THSD7A: variants seen among roughly 807,000 people sequenced by gnomAD.
THSD7A encodes thrombospondin type 1 domain containing 7A, also known as thrombospondin type-1 domain-containing protein 7A.
A neutral mutation model predicts 231.3 loss-of-function variants in THSD7A; 96 were observed. That is an observed-to-expected ratio of 0.41 (90% CI 0.35 to 0.49). The LOEUF is 0.49. Ranked by LOEUF, THSD7A falls within the 20% of genes least tolerant of loss-of-function variation. The pLI, the probability that THSD7A is intolerant of heterozygous loss-of-function variation, is 0.05. For synonymous variants in THSD7A, 940 were observed against 743.3 expected (o/e 1.26, Z -4.30); for missense variants, 2,290 against 2,070.2 (o/e 1.11, Z -2.06).
chr7:11,668,445 AAGAG>A (rs540679033), intron 1 of THSD7A, among the ~76,000 whole-genome samples: 109 of 145,208 alleles, frequency 7.5e-4, no homozygotes, highest in African/African-American at 2.4e-3. Context: ...AAAAGAAAGA[AAGAG>A]AGAGAGAGAG....
chr7:11,538,754 T>C (rs960438451), intron 6 of THSD7A, among the ~76,000 whole-genome samples: 3 of 152,218 alleles, frequency 2.0e-5, no homozygotes, highest in Non-Finnish European at 2.9e-5. Flanking sequence ...CTTACATCCC[T>C]CTGTTTTCTT....
chr7:11,576,574 G>A (rs1247059915), intron 4 of THSD7A, among the ~76,000 whole-genome samples: 1 of 152,130 alleles, frequency 6.6e-6, no homozygotes, highest in Admixed American at 6.5e-5. Context: ...TTCATACCAG[G>A]TGACTTGATA....
chr7:11,429,470 AAC>A (rs1426727064), intron 13 of THSD7A, among the ~76,000 whole-genome samples: 3 of 152,208 alleles, frequency 2.0e-5, no homozygotes, highest in Admixed American at 2.0e-4. Flanking sequence ...AAAAAATTAT[AAC>A]AGTTTTCTAT....
intron 11 of THSD7A, among the ~76,000 whole-genome samples, chr7:11,452,509 T>C (rs1349494850): frequency 6.6e-6 from 1 of 151,954 alleles, no homozygotes; most frequent in Non-Finnish European, 1.5e-5. Context: ...TTACCAATGA[T>C]CCCCAGTCTC....
intron 6 of THSD7A, among the ~76,000 whole-genome samples, chr7:11,538,574 C>G (rs1193487936): frequency 1.3e-5 from 2 of 152,046 alleles, no homozygotes; most frequent in Admixed American, 6.6e-5. Flanking sequence ...TGGGTCATTC[C>G]CCAGACCACA....
In THSD7A at chr7:11,832,003, C is replaced by T; in HGVS notation, c.-57G>A. The T allele has an allele frequency of 8.7e-7, 1 of 1,149,474 alleles. No individual in the cohort carries two copies. Among genetic ancestry groups the T allele is most frequent in the Non-Finnish European group, 1.1e-6 (1 of 917,890 alleles). 71.2% of individuals were successfully genotyped at this position (1,149,474 alleles called of 1,614,324 possible). A position where few individuals can be genotyped will look rare whatever the true frequency, so the allele number is the denominator to read the frequency against. On this transcript the variant is annotated 5_prime_UTR_variant, in exon 1 of 28. Coordinates refer to ENST00000423059, the MANE Select transcript of THSD7A (RefSeq NM_015204.3). ...GTAGCACGCTCGGCAGGGAATTTTT[C>T]TCCGCTCTTGGAACGTCTTTTCAAA...
rs1246309878 is a variant in THSD7A at position 11,810,751 on chromosome 7, T to A, written c.190+21006A>T. Among the ~76,000 whole-genome samples the A allele has an allele frequency of 3.3e-5, 5 of 152,172 alleles. No individual in the cohort carries two copies. The East Asian group carries it at 9.6e-4, about 29-fold the overall frequency. ...CATGTAGGCAAAATTATTGATGATA[T>A]TAGCTCAGCCCTAGGGTGGTTTAAT... is the stretch of plus-strand genomic sequence containing the variant. On this transcript the variant is annotated intron_variant, in intron 1 of 27. Transcript: ENST00000423059.
At chr7:11,598,730 T>C (rs1287908957) in intron 2 of THSD7A, among the ~76,000 whole-genome samples, 2 of 152,184 alleles carry the variant, frequency 1.3e-5, no homozygotes, top group African/African-American at 4.8e-5. Flanking sequence ...GGTCCAGGCA[T>C]CAAGGGTTGG....
intron 24 of THSD7A, among the ~76,000 whole-genome samples, chr7:11,380,297 A>G: frequency 6.6e-6 from 1 of 152,110 alleles, no homozygotes; most frequent in Non-Finnish European, 1.5e-5. Flanking sequence ...ACAGCTGTTT[A>G]TCTCGTTTAT....
intron 1 of THSD7A, among the ~76,000 whole-genome samples, chr7:11,782,645 T>C (rs1040681360): frequency 6.6e-6 from 1 of 152,134 alleles, no homozygotes; most frequent in African/African-American, 2.4e-5. Flanking sequence ...CCAGAAACTG[T>C]TTTAATATTA....
chr7:11,823,877 G>T (rs1367547135), intron 1 of THSD7A, among the ~76,000 whole-genome samples: 3 of 151,632 alleles, frequency 2.0e-5, no homozygotes, highest in Non-Finnish European at 4.4e-5. Flanking sequence ...TTCATTTTTT[G>T]ATCTAAGTAA....
chr7:11,466,876 C>T (rs1033813017), intron 9 of THSD7A, among the ~76,000 whole-genome samples: 1 of 151,996 alleles, frequency 6.6e-6, no homozygotes, highest in Non-Finnish European at 1.5e-5. Flanking sequence ...TCCTACCTTC[C>T]CCCAAGAGAC....
At chr7:11,746,332 A>G (rs1390298673) in intron 1 of THSD7A, among the ~76,000 whole-genome samples, 1 of 151,918 alleles carries the variant, frequency 6.6e-6, no homozygotes, top group Non-Finnish European at 1.5e-5. Flanking sequence ...CAACACTGGT[A>G]TATTACTATT....
chr7:11,535,905 T>C lies in THSD7A; in HGVS notation c.1822+5514A>G, dbSNP rs1788896956. Among the ~76,000 whole-genome samples, 4 of 152,168 alleles carry C rather than the reference T, an allele frequency of 2.6e-5. No individual in the cohort carries two copies. The South Asian group carries it at 8.3e-4, about 32-fold the overall frequency. The stretch of plus-strand genomic sequence containing the variant: ...CCATTCTATAAATATATTTTAACTT[T>C]TTGTCTACCACTCTCCCTTGTACAT... On this transcript the variant is annotated intron_variant, in intron 6 of 27. Transcript: ENST00000423059.
intron 6 of THSD7A, among the ~76,000 whole-genome samples, chr7:11,498,851 G>C (rs1284239179): frequency 6.6e-6 from 1 of 151,994 alleles, no homozygotes; most frequent in African/African-American, 2.4e-5. Flanking sequence ...AGGTGACTAG[G>C]GACTGAAGCA....
At chr7:11,678,125 A>AAAT (rs1385480103) in intron 1 of THSD7A, among the ~76,000 whole-genome samples, 4 of 152,170 alleles carry the variant, frequency 2.6e-5, no homozygotes, top group African/African-American at 9.7e-5. Flanking sequence ...AGGCAGAAAT[A>AAAT]AATATGTTCT....
intron 7 of THSD7A, 113 bp downstream of exon 7, chr7:11,481,675 C>A: frequency 8.8e-7 from 1 of 1,138,880 alleles, no homozygotes. Flanking sequence ...TCTTGGATGG[C>A]TGAATTTCTG....
intron 13 of THSD7A, among the ~76,000 whole-genome samples, chr7:11,443,005 T>C (rs1784852995): frequency 6.6e-6 from 1 of 152,116 alleles, no homozygotes; most frequent in Non-Finnish European, 1.5e-5. Flanking sequence ...TTTGGCCAAT[T>C]TCAATTATTT....
At chr7:11,748,021 T>C (rs944353391) in intron 1 of THSD7A, among the ~76,000 whole-genome samples, 3 of 151,972 alleles carry the variant, frequency 2.0e-5, no homozygotes, top group Non-Finnish European at 4.4e-5. Context: ...GCCACGTTGA[T>C]GAATTTCTAC....
Sources: gnomAD v4.1 joint callset for allele counts (sites outside exome capture counted in the v4.1 genomes callset) on GRCh38, gnomAD v4.1.1 for gene constraint, MANE v1.5 for transcripts, NCBI Gene and HGNC (gene_info 2026-07-23, HGNC 2026-07-21) for gene names.